The following DLG5 variants were observed in gnomAD, a reference collection of about 807,000 sequenced individuals.
The protein encoded by DLG5 is disks large homolog 5.
In DLG5, 48 loss-of-function variants were observed where a neutral mutation model predicts 189.8. That is an observed-to-expected ratio of 0.25 (90% CI 0.20 to 0.32). DLG5 has a LOEUF of 0.32. Among genes scored for constraint, DLG5 ranks in the 10% least tolerant of loss-of-function variants. The pLI is 1.00. For synonymous variants in DLG5, 1,016 were observed against 1,054.1 expected (o/e 0.96, Z 0.70); for missense variants, 2,160 against 2,544.7 (o/e 0.85, Z 3.25).
intron 2 of DLG5, among the ~76,000 whole-genome samples, chr10:77,865,843 T>C (rs1044764741): frequency 6.6e-6 from 1 of 151,758 alleles, no homozygotes; most frequent in Admixed American, 6.6e-5. Flanking sequence ...GTGTGGCGAG[T>C]TGTGAGTAGG....
intron 1 of DLG5, among the ~76,000 whole-genome samples, chr10:77,914,420 C>T (rs1846305986): frequency 6.6e-6 from 1 of 152,208 alleles, no homozygotes; most frequent in Non-Finnish European, 1.5e-5. Context: ...TCTCCACCCT[C>T]ACCAAAGCCC....
chr10:77,896,376 C>CA lies in DLG5; in HGVS notation c.305-27180dup, dbSNP rs562102604. Among the ~76,000 whole-genome samples the CA allele has an allele frequency of 7.2e-5, 11 of 152,256 alleles. 1 individual carries two copies. The South Asian group carries it at 2.3e-3, about 32-fold the overall frequency. Reference sequence around the variant, plus strand: ...TATAGACTAGAGGATATAATTGCATCAGTGCTGAGGTTCTTGGGTCTAATA... The same window carrying CA: ...TATAGACTAGAGGATATAATTGCATCAAGTGCTGAGGTTCTTGGGTCTAATA... On this transcript the variant is annotated intron_variant, in intron 1 of 31. Coordinates refer to ENST00000372391, the MANE Select transcript of DLG5 (RefSeq NM_004747.4).
At chr10:77,824,317 G>T in intron 14 of DLG5, 67 bp downstream of exon 14, 1 of 1,215,186 alleles carries the variant, frequency 8.2e-7, no homozygotes, top group Non-Finnish European at 1.2e-6. Context: ...GGAGTAGCAT[G>T]GCTATGTGGA....
chr10:77,797,634 G>C (rs1356826273), intron 27 of DLG5, among the ~76,000 whole-genome samples: 1 of 152,268 alleles, frequency 6.6e-6, no homozygotes, highest in Non-Finnish European at 1.5e-5. Context: ...GAGATGATGG[G>C]GAGGGCAGAG....
At chr10:77,809,116 CA>C (rs1841626974) in intron 24 of DLG5, among the ~76,000 whole-genome samples, 1 of 135,092 alleles carries the variant, frequency 7.4e-6, no homozygotes, top group East Asian at 2.3e-4. Flanking sequence ...AAAAAAAAAT[CA>C]ATCCTGAGGC....
intron 17 of DLG5, among the ~76,000 whole-genome samples, chr10:77,818,283 C>A (rs1171938165): frequency 6.6e-6 from 1 of 152,126 alleles, no homozygotes; most frequent in African/African-American, 2.4e-5. Context: ...GACCTATGTG[C>A]CTCACTCGGG....
At chr10:77,920,304 A>C (rs573969263) in intron 1 of DLG5, among the ~76,000 whole-genome samples, 1 of 152,336 alleles carries the variant, frequency 6.6e-6, no homozygotes, top group South Asian at 2.1e-4. Flanking sequence ...TAAGCTCAGA[A>C]GGGTTAAAAA....
chr10:77,905,367 G>A (rs1846044566), intron 1 of DLG5, among the ~76,000 whole-genome samples: 1 of 152,106 alleles, frequency 6.6e-6, no homozygotes, highest in African/African-American at 2.4e-5. Context: ...TGTTTTCCTA[G>A]ACCATTCATA....
chr10:77,892,142 C>T (rs924661942), intron 1 of DLG5, among the ~76,000 whole-genome samples: 5 of 152,108 alleles, frequency 3.3e-5, no homozygotes, highest in Admixed American at 2.6e-4. Context: ...CCCAGCTTCC[C>T]GGGATGCCCC....
At position 77,854,302 on chromosome 10, in the gene DLG5, A is replaced by C. The variant is rs1377395128; in HGVS notation, c.605T>G (p.Leu202Arg). ...GGTGTGCTGGTTCTGCAGGCTCTGC[A>C]GGTCCGACATGGCTCGCACGCACTG... ...KIQCVRAMSD[L>R]QSLQNQHTNA... Residue 202 changes from leucine (L) to arginine (R), a missense_variant, in exon 4 of 32, where the codon CTG becomes CGG. Coordinates refer to ENST00000372391, the MANE Select transcript of DLG5 (RefSeq NM_004747.4). 1 of 1,614,184 alleles carries C rather than the reference A, an allele frequency of 6.2e-7. No individual in the cohort carries two copies. The highest frequency in any genetic ancestry group is 8.5e-7 in the Non-Finnish European group (1 of 1,180,038).
intron 27 of DLG5, among the ~76,000 whole-genome samples, chr10:77,803,794 C>A (rs1020180036): frequency 4.0e-5 from 6 of 150,818 alleles, no homozygotes; most frequent in Non-Finnish European, 7.4e-5. Context: ...GAGAAAGGAG[C>A]AGAGGGCACA....
At chr10:77,908,718 A>T (rs530864411) in intron 1 of DLG5, among the ~76,000 whole-genome samples, 3 of 151,748 alleles carry the variant, frequency 2.0e-5, no homozygotes, top group Non-Finnish European at 4.4e-5. Flanking sequence ...AAGCAGCCTC[A>T]CCTGTCTGGC....
chr10:77,910,897 G>A lies in DLG5; in HGVS notation c.304+15320C>T, dbSNP rs1399970367. ...TGAGACACAAGAATCTCTTGAACCT[G>A]GAAGTCAGAGGTTGCAGTGAGCTGA... On this transcript the variant is annotated intron_variant, in intron 1 of 31. Transcript: ENST00000372391. Among the ~76,000 whole-genome samples, 3 of 150,922 alleles carry A rather than the reference G, an allele frequency of 2.0e-5. 1 individual carries two copies. Among genetic ancestry groups the A allele is most frequent in the South Asian group, 4.2e-4 (2 of 4,746 alleles).
chr10:77,848,469 T>C (rs1243351234), intron 5 of DLG5, among the ~76,000 whole-genome samples: 1 of 152,130 alleles, frequency 6.6e-6, no homozygotes, highest in Non-Finnish European at 1.5e-5. Flanking sequence ...GGAGAACATG[T>C]GCACTGCCCT....
At chr10:77,806,953 C>T (rs376325901) in intron 25 of DLG5, 25 bp from the exon 26 acceptor site, 75 of 1,594,942 alleles carry the variant, frequency 4.7e-5, no homozygotes, top group Non-Finnish European at 5.4e-5. Flanking sequence ...AGAAGGAACA[C>T]GATCAGGCGG....
intron 8 of DLG5, among the ~76,000 whole-genome samples, chr10:77,834,257 AC>A (rs936848448): frequency 7.3e-5 from 11 of 151,710 alleles, no homozygotes; most frequent in African/African-American, 2.7e-4. Context: ...GGGAAGAGAC[AC>A]CCCCACAGTC....
At chr10:77,856,998 A>T in intron 2 of DLG5, 106 bp from the exon 3 acceptor site, 2 of 1,066,324 alleles carry the variant, frequency 1.9e-6, no homozygotes, top group Non-Finnish European at 2.7e-6. Context: ...TGACCCAACA[A>T]GTGGGTCCTC....
intron 5 of DLG5, among the ~76,000 whole-genome samples, chr10:77,844,107 A>G (rs1159651548): frequency 6.6e-6 from 1 of 152,180 alleles, no homozygotes; most frequent in Non-Finnish European, 1.5e-5. Context: ...CTGTACAAAT[A>G]AAGTGGCTTA....
At chr10:77,933,192 G>A in the DLG5 span, among the ~76,000 whole-genome samples, 42 of 152,222 alleles carry the variant, frequency 2.8e-4, no homozygotes, top group African/African-American at 8.7e-4. Flanking sequence ...TCTGCTACAT[G>A]CTCTCATTGC....
Sources: gnomAD v4.1 joint callset for allele counts (sites outside exome capture counted in the v4.1 genomes callset) on GRCh38, gnomAD v4.1.1 for gene constraint, MANE v1.5 for transcripts, NCBI Gene and HGNC (gene_info 2026-07-23, HGNC 2026-07-21) for gene names.